The following MARCHF1 variants were observed in gnomAD, a reference collection of about 807,000 sequenced individuals.
The protein encoded by MARCHF1 is E3 ubiquitin-protein ligase MARCHF1.
In MARCHF1, 40 loss-of-function variants were observed where a neutral mutation model predicts 54.2. The observed-to-expected ratio is 0.74, with a 90% CI of 0.57 to 0.96. The LOEUF (loss-of-function observed/expected upper bound fraction) is 0.96, where lower values mean the gene tolerates loss of function less well. Among genes scored for constraint, MARCHF1 ranks in the 40% least tolerant of loss-of-function variants. The probability of loss-of-function intolerance (pLI) is 0.00; values close to 1 mark genes in which losing one functional copy is unlikely to be tolerated. For missense variants in MARCHF1, 586 were observed against 656.5 expected (o/e 0.89, Z 1.17); for synonymous variants, 236 against 236.3 (o/e 1.00, Z 0.01).
intron 2 of MARCHF1, among the ~76,000 whole-genome samples, chr4:163,989,849 TG>T (rs1156725522): frequency 2.0e-5 from 3 of 152,222 alleles, no homozygotes; most frequent in Non-Finnish European, 4.4e-5. Flanking sequence ...CACTGTTTTT[TG>T]TGTTTGTTCA....
chr4:164,104,061 C>G (rs1476693332), intron 2 of MARCHF1, among the ~76,000 whole-genome samples: 2 of 151,288 alleles, frequency 1.3e-5, no homozygotes, highest in Non-Finnish European at 2.9e-5. Context: ...CAAGACTAAA[C>G]CAGGAAGAAG....
chr4:163,760,770 G>A (rs1032865652), intron 4 of MARCHF1, among the ~76,000 whole-genome samples: 1 of 152,034 alleles, frequency 6.6e-6, no homozygotes, highest in Non-Finnish European at 1.5e-5. Flanking sequence ...ATTTTATGGT[G>A]TGCCTAATTT....
At chr4:164,319,408 C>G (rs928921104) in intron 1 of MARCHF1, among the ~76,000 whole-genome samples, 2 of 152,062 alleles carry the variant, frequency 1.3e-5, no homozygotes, top group African/African-American at 4.8e-5. Context: ...TGACCTGGTA[C>G]CCATGGCAAG....
intron 3 of MARCHF1, chr4:163,932,833 C>A (rs1283215973): frequency 1.6e-6 from 1 of 624,096 alleles, no homozygotes; most frequent in Non-Finnish European, 3.1e-6. Flanking sequence ...AAATATTTAA[C>A]AGCCAATGCA....
At chr4:163,537,249 T>C (rs181753127) in intron 9 of MARCHF1, among the ~76,000 whole-genome samples, 2 of 152,306 alleles carry the variant, frequency 1.3e-5, no homozygotes, top group Non-Finnish European at 2.9e-5. Context: ...CTTGCCTCCT[T>C]TTATTGAGAC....
At chr4:164,143,468 G>C (rs1329621531) in intron 1 of MARCHF1, among the ~76,000 whole-genome samples, 5 of 150,966 alleles carry the variant, frequency 3.3e-5, no homozygotes, top group Non-Finnish European at 7.4e-5. Flanking sequence ...ACTAACAGCA[G>C]ATCTCTCGGC....
chr4:163,847,916 G>C (rs774143213), intron 4 of MARCHF1, among the ~76,000 whole-genome samples: 60 of 152,136 alleles, frequency 3.9e-4, no homozygotes, highest in Non-Finnish European at 7.1e-4. Flanking sequence ...GCAAACAACA[G>C]TATCAACTTC....
chr4:164,216,983 A>C (rs1009110416), intron 1 of MARCHF1, among the ~76,000 whole-genome samples: 1 of 152,224 alleles, frequency 6.6e-6, no homozygotes, highest in African/African-American at 2.4e-5. Flanking sequence ...TACCTTAACC[A>C]ATAGCATGAA....
At chr4:164,123,807 C>T (rs1014398578) in intron 1 of MARCHF1, among the ~76,000 whole-genome samples, 4 of 151,344 alleles carry the variant, frequency 2.6e-5, no homozygotes, top group South Asian at 2.1e-4. Flanking sequence ...ATCATAGTTT[C>T]ATATTGGGGA....
intron 5 of MARCHF1, among the ~76,000 whole-genome samples, chr4:163,657,731 G>A (rs1266413014): frequency 1.3e-5 from 2 of 152,000 alleles, no homozygotes; most frequent in Admixed American, 6.6e-5. Context: ...CAATGGAACA[G>A]AATAGAGAAC....
At chr4:164,063,615 A>G (rs1754666331) in intron 2 of MARCHF1, among the ~76,000 whole-genome samples, 1 of 152,196 alleles carries the variant, frequency 6.6e-6, no homozygotes, top group South Asian at 2.1e-4. Context: ...ATCTACCCCT[A>G]TGAAGTGGGC....
At chr4:163,756,493 C>T (rs144580669) in intron 4 of MARCHF1, among the ~76,000 whole-genome samples, 13 of 151,452 alleles carry the variant, frequency 8.6e-5, no homozygotes, top group Middle Eastern at 3.4e-3. Flanking sequence ...ATTAGCTGGG[C>T]GTGGTGGCAC....
At chr4:163,902,973 C>T (rs562991301) in intron 3 of MARCHF1, among the ~76,000 whole-genome samples, 1 of 152,222 alleles carries the variant, frequency 6.6e-6, no homozygotes, top group South Asian at 2.1e-4. Flanking sequence ...CCTACTCCCA[C>T]CATACTTGCA....
At chr4:163,863,536 G>T (rs147241256) in intron 3 of MARCHF1, among the ~76,000 whole-genome samples, 1 of 152,042 alleles carries the variant, frequency 6.6e-6, no homozygotes, top group Admixed American at 6.6e-5. Context: ...ATGGGTCAGA[G>T]TTGGAGACAT....
intron 3 of MARCHF1, among the ~76,000 whole-genome samples, chr4:163,984,951 T>C (rs1370784352): frequency 2.0e-5 from 3 of 152,146 alleles, no homozygotes; most frequent in Admixed American, 1.3e-4. Context: ...CCCAAAGCTT[T>C]CCCGAGAATG....
At chr4:164,067,084 C>A (rs1387981327) in intron 2 of MARCHF1, among the ~76,000 whole-genome samples, 1 of 151,990 alleles carries the variant, frequency 6.6e-6, no homozygotes, top group Non-Finnish European at 1.5e-5. Flanking sequence ...TTTGCTGCAT[C>A]CCCTAAGAGG....
chr4:163,836,561 C>A (rs1280970143), intron 4 of MARCHF1, among the ~76,000 whole-genome samples: 2 of 66,358 alleles, frequency 3.0e-5, no homozygotes, highest in African/African-American at 1.2e-4. Context: ...TTTTTTGATA[C>A]ACGTTTACTC....
chr4:164,093,863 T>A (rs1755354685), intron 2 of MARCHF1, among the ~76,000 whole-genome samples: 1 of 152,172 alleles, frequency 6.6e-6, no homozygotes, highest in Non-Finnish European at 1.5e-5. Flanking sequence ...ACTCTTGAGT[T>A]GCTTTATCTT....
At chr4:164,089,429 C>T (rs954002611) in intron 2 of MARCHF1, among the ~76,000 whole-genome samples, 3 of 151,936 alleles carry the variant, frequency 2.0e-5, no homozygotes, top group African/African-American at 7.2e-5. Context: ...AGTGTTCTTC[C>T]CTCAAAACAG....
Sources: allele counts gnomAD v4.1 joint callset (sites outside exome capture counted in the v4.1 genomes callset), GRCh38; gene constraint gnomAD v4.1.1; transcripts MANE v1.5; gene names NCBI Gene and HGNC (gene_info 2026-07-23, HGNC 2026-07-21).